Variants in ADGRL2 observed in about 807,000 individuals in gnomAD.
ADGRL2 encodes adhesion G protein-coupled receptor L2.
In ADGRL2, 44 loss-of-function variants were observed where a neutral mutation model predicts 157.4. That is an observed-to-expected ratio of 0.28 (90% CI 0.22 to 0.36). The LOEUF is 0.36. Ranked by LOEUF, ADGRL2 falls within the 10% of genes least tolerant of loss-of-function variation. ADGRL2 has a pLI of 1.00. For synonymous variants in ADGRL2, 585 were observed against 624.7 expected, an observed-to-expected ratio of 0.94 and a Z score of 0.95; for missense variants, 1,510 against 1,768.9, an observed-to-expected ratio of 0.85 and a Z score of 2.63.
rs1658695105 is a variant in ADGRL2, at chr1:81,971,399, A to G, written c.2955-453A>G. On this transcript the variant is annotated intron_variant, in intron 16 of 23. Coordinates refer to ENST00000686636, the MANE Select transcript of ADGRL2 (RefSeq NM_001366006.2). Reference sequence around the variant, plus strand: ...TATTTCTGCTACACTGTTTTGCAACAAACATAACATCTGAACAGTTTTTGG... The same window carrying G: ...TATTTCTGCTACACTGTTTTGCAACGAACATAACATCTGAACAGTTTTTGG... 2.0e-5 allele frequency among the ~76,000 whole-genome samples: 3 copies of G among 152,202 alleles called. No homozygotes were observed. In the South Asian group the frequency reaches 6.2e-4, roughly 31 times the overall value.
intron 2 of ADGRL2, among the ~76,000 whole-genome samples, chr1:81,867,293 C>G (rs574045214): frequency 6.6e-6 from 1 of 152,268 alleles, no homozygotes; most frequent in East Asian, 1.9e-4. Flanking sequence ...CTTTGCTATA[C>G]TGTTGAACAA....
intron 1 of ADGRL2, chr1:81,721,782 T>C: frequency 7.3e-7 from 1 of 1,367,566 alleles, no homozygotes; most frequent in Non-Finnish European, 1.0e-6. Flanking sequence ...ATGTGCTTCC[T>C]GAGGGAGTGG....
intron 1 of ADGRL2, among the ~76,000 whole-genome samples, chr1:81,337,880 A>G (rs1470554825): frequency 1.3e-5 from 2 of 152,194 alleles, no homozygotes; most frequent in African/African-American, 4.8e-5. Context: ...TGAAGCCTTC[A>G]GTCAAATAAT....
intron 1 of ADGRL2, among the ~76,000 whole-genome samples, chr1:81,327,060 G>A (rs570447607): frequency 6.6e-6 from 1 of 152,234 alleles, no homozygotes; most frequent in Non-Finnish European, 1.5e-5. Context: ...GAAATGAGTT[G>A]TTTTTTAAAG....
chr1:81,703,687 A>C, intron 1 of ADGRL2, among the ~76,000 whole-genome samples: 1 of 152,296 alleles, frequency 6.6e-6, no homozygotes, highest in East Asian at 1.9e-4. Context: ...GAAAATGGGT[A>C]AAAAAATGTA....
intron 2 of ADGRL2, among the ~76,000 whole-genome samples, chr1:81,480,691 C>G (rs952935411): frequency 6.6e-6 from 1 of 152,074 alleles, no homozygotes; most frequent in African/African-American, 2.4e-5. Flanking sequence ...TATATAACGA[C>G]TAAGTGGTTT....
At chr1:81,652,611 G>T (rs575177731) in intron 3 of ADGRL2, among the ~76,000 whole-genome samples, 1 of 151,824 alleles carries the variant, frequency 6.6e-6, no homozygotes, top group Non-Finnish European at 1.5e-5. Flanking sequence ...GTTTTTATTT[G>T]GTTCCTCAAA....
At chr1:81,688,141 T>C (rs543072306) in intron 3 of ADGRL2, among the ~76,000 whole-genome samples, 16 of 152,296 alleles carry the variant, frequency 1.1e-4, no homozygotes, top group African/African-American at 3.6e-4. Flanking sequence ...CTGATGACAA[T>C]GTGCCTAGGT....
rs146730429 is a variant in ADGRL2 at position 81,386,690 on chromosome 1, A to G, written c.-301-58346A>G. Among the ~76,000 whole-genome samples, 24 of 152,282 alleles carry G rather than the reference A, an allele frequency of 1.6e-4. No individual in the cohort carries two copies. In the East Asian group the frequency reaches 4.4e-3, roughly 28 times the overall value. On this transcript the variant is annotated intron_variant, in intron 1 of 24. Coordinates refer to the ADGRL2 transcript ENST00000370721. ...AATCTGATGCAAACAATTGGTGCTA[A>G]ATACATGTTCATTGAATTAATGGTC...
intron 3 of ADGRL2, among the ~76,000 whole-genome samples, chr1:81,608,293 C>A (rs2081473644): frequency 6.6e-6 from 1 of 152,110 alleles, no homozygotes; most frequent in Admixed American, 6.6e-5. Flanking sequence ...GCCTCAGAAC[C>A]CAGCTGCAGA....
In ADGRL2 at chr1:81,778,321, CAAAA is replaced by C. The variant is rs35538546; in HGVS notation, c.-101+16484_-101+16487del. On this transcript the variant is annotated intron_variant, in intron 2 of 20. Transcript: ENST00000359929. ...TGGGCGACAGAGCGAGACTCCGTCT[CAAAA>C]AAAAAAAAAAAAAATTACTATCCCT... Among the ~76,000 whole-genome samples, 397 of 136,404 alleles carry C rather than the reference CAAAA, an allele frequency of 2.9e-3. 2 individuals carry two copies. The highest frequency in any genetic ancestry group is 7.4e-3 in the African/African-American group (282 of 37,912). 89.5% of individuals were successfully genotyped at this position (136,404 alleles called of 152,430 possible). A position where few individuals can be genotyped will look rare whatever the true frequency, so the allele number is the denominator to read the frequency against.
At chr1:81,447,628 T>C (rs1570991816) in intron 2 of ADGRL2, among the ~76,000 whole-genome samples, 2 of 152,130 alleles carry the variant, frequency 1.3e-5, no homozygotes, top group African/African-American at 4.8e-5. Flanking sequence ...GATATACAAC[T>C]TGAAGAAATG....
intron 1 of ADGRL2, among the ~76,000 whole-genome samples, chr1:81,400,849 T>C (rs2076740427): frequency 6.6e-6 from 1 of 152,096 alleles, no homozygotes; most frequent in African/African-American, 2.4e-5. Context: ...ACTAGAGTTA[T>C]TTGGCCTTTA....
At chr1:81,842,764 G>C (rs943461626) in intron 2 of ADGRL2, among the ~76,000 whole-genome samples, 1 of 152,052 alleles carries the variant, frequency 6.6e-6, no homozygotes, top group Non-Finnish European at 1.5e-5. Context: ...GTTTAGTAGA[G>C]CTCTTAAAAC....
intron 1 of ADGRL2, among the ~76,000 whole-genome samples, chr1:81,410,815 T>C (rs2076933329): frequency 6.6e-6 from 1 of 152,232 alleles, no homozygotes; most frequent in Non-Finnish European, 1.5e-5. Context: ...AAAGCTCTAG[T>C]GCAATATCTG....
At chr1:81,476,695 A>G (rs1340240207) in intron 2 of ADGRL2, among the ~76,000 whole-genome samples, 2 of 152,212 alleles carry the variant, frequency 1.3e-5, no homozygotes, top group Non-Finnish European at 1.5e-5. Flanking sequence ...TTTCTAGTAC[A>G]TCATTAAACA....
intron 2 of ADGRL2, among the ~76,000 whole-genome samples, chr1:81,527,832 C>G (rs2079499227): frequency 6.6e-6 from 1 of 152,238 alleles, no homozygotes; most frequent in East Asian, 1.9e-4. Context: ...TTTTGGGAGG[C>G]TGAGGCGGGT....
intron 2 of ADGRL2, among the ~76,000 whole-genome samples, chr1:81,780,495 GTTA>G (rs751501175): frequency 2.6e-5 from 4 of 152,100 alleles, no homozygotes; most frequent in Non-Finnish European, 4.4e-5. Flanking sequence ...GGCCTAAAAG[GTTA>G]AATGACTTGC....
intron 14 of ADGRL2, among the ~76,000 whole-genome samples, chr1:81,968,421 T>C (rs571816149): frequency 1.3e-5 from 2 of 152,354 alleles, no homozygotes; most frequent in East Asian, 3.9e-4. Flanking sequence ...CTTGTAAGTT[T>C]TCCTCCTTGG....
Sources: allele counts gnomAD v4.1 joint callset (sites outside exome capture counted in the v4.1 genomes callset), GRCh38; gene constraint gnomAD v4.1.1; transcripts MANE v1.5; gene names NCBI Gene and HGNC (gene_info 2026-07-23, HGNC 2026-07-21).